Variants in PRRC2A observed in about 807,000 individuals in gnomAD.
PRRC2A encodes the protein protein PRRC2A.
PRRC2A carries 59 observed loss-of-function variants against 224.6 expected under a neutral mutation model. That is an observed-to-expected ratio of 0.26 (90% CI 0.21 to 0.33). The LOEUF (loss-of-function observed/expected upper bound fraction) is 0.33, where lower values mean the gene tolerates loss of function less well. Among genes scored for constraint, PRRC2A ranks in the 10% least tolerant of loss-of-function variants. The pLI, the probability that PRRC2A is intolerant of heterozygous loss-of-function variation, is 1.00. For missense variants in PRRC2A, 3,095 were observed against 2,880.7 expected (o/e 1.07, Z -1.70); for synonymous variants, 1,194 against 1,109.5 (o/e 1.08, Z -1.51).
rs781039842 is a variant in PRRC2A at position 31,631,401 on chromosome 6, G to T, written c.2728G>T (p.Gly910Cys). 4 of 1,608,830 alleles carry T rather than the reference G, an allele frequency of 2.5e-6. No homozygotes were observed. Among genetic ancestry groups the T allele is most frequent in the Non-Finnish European group, 3.4e-6 (4 of 1,178,530 alleles). ...RKPARGVGSGGQGPPPPRRES... is the reference protein window; with the variant it reads ...RKPARGVGSGCQGPPPPRRES... ...GCCTGCCCGCGGAGTCGGGAGTGGA[G>T]GCCAGGGCCCCCCACCACCACGCAG... is the stretch of plus-strand genomic sequence containing the variant. Residue 910 changes from glycine (G) to cysteine (C), a missense_variant, in exon 16 of 31, where the codon GGC becomes TGC. By Grantham distance (159) the Gly-to-Cys change is radical. Coordinates refer to ENST00000376033, the MANE Select transcript of PRRC2A (RefSeq NM_004638.4). The surrounding 1 kb of genome is among the most constrained non-coding windows in gnomAD (Gnocchi z 4.5).
Position 31,633,919 on chromosome 6 carries a change from C to G in PRRC2A, c.4649C>G (p.Ser1550Cys), listed in dbSNP as rs368538378. Residue 1550 changes from serine to cysteine, a missense_variant, in exon 18 of 31, where the codon TCT (serine) becomes TGT (cysteine). Physicochemically the swap from Ser to Cys is moderately radical, Grantham distance 112. This residue lies in a region of PRRC2A where 2,001 missense variants were observed against 1,764.9 expected (regional missense o/e 1.13). Coordinates refer to ENST00000376033, the MANE Select transcript of PRRC2A (RefSeq NM_004638.4). ...VRGVGGTPRD[S>C]AGVSPFPPKR... ...GGGGTGGGTGGGACTCCTCGGGACT[C>G]TGCCGGGGTTAGTCCCTTTCCCCCT... 1.3e-6 allele frequency: 2 copies of G among 1,587,562 alleles called. No homozygotes were observed. The highest frequency in any genetic ancestry group is 1.7e-6 in the Non-Finnish European group (2 of 1,173,744).
In PRRC2A at chr6:31,637,498, GGCC is replaced by G. The variant is rs1777634643; in HGVS notation, c.6390_6392del (p.Pro2132del). 6.3e-7 allele frequency: 1 copy of G among 1,575,176 alleles called. No homozygotes were observed. The highest frequency in any genetic ancestry group is 1.2e-5 in the South Asian group (1 of 85,648). On this transcript the variant is annotated inframe_deletion, in exon 31 of 31. Coordinates refer to ENST00000376033, the MANE Select transcript of PRRC2A (RefSeq NM_004638.4). ...ATACCTAAGCCTTGGGAGCGGACAG[GGCC>G]GCCACCTCGAGAAGGGCCCTCCCGA...
rs564994587 is a variant in PRRC2A at position 31,629,987 on chromosome 6, G to C, written c.2254+142G>C. On this transcript the variant is annotated intron_variant, in intron 14 of 30. Coordinates refer to ENST00000376033, the MANE Select transcript of PRRC2A (RefSeq NM_004638.4). ...AAGGGCATATGCTTGGCACTGCTGA[G>C]ATAGCTCTGTTGCAAAAATGGGCTT... is the stretch of plus-strand genomic sequence containing the variant. The C allele has an allele frequency of 1.5e-5, 20 of 1,373,928 alleles. 1 individual carries two copies. In the African/African-American group the frequency reaches 2.9e-4, roughly 20 times the overall value. The allele number at this position is 1,373,928 out of a possible 1,614,324, so 85.1% of individuals were successfully genotyped here. A position where few individuals can be genotyped will look rare whatever the true frequency, so the allele number is the denominator to read the frequency against.
At position 31,630,674 on chromosome 6, in the gene PRRC2A, C is replaced by T. The variant is rs771084827; in HGVS notation, c.2338C>T (p.Arg780Trp). ...TCATGCACCTGCTATGTTACGGGAA[C>T]GGGGCACTCCACCGGTGGATCCAAA... ...DRHAPAMLRERGTPPVDPKLA... is the reference protein window; with the variant it reads ...DRHAPAMLREWGTPPVDPKLA... The change falls in exon 15 of 31, where the codon CGG becomes TGG. Residue 780 changes from arginine to tryptophan, a missense_variant. Physicochemically the swap from Arg to Trp is moderately radical, Grantham distance 101 (BLOSUM62 -3). Transcript: ENST00000376033. The T allele has an allele frequency of 7.4e-6, 12 of 1,614,038 alleles. No individual in the cohort carries two copies. In the South Asian group the frequency reaches 8.8e-5, roughly 12 times the overall value.
In PRRC2A at chr6:31,623,885, A is replaced by G. The variant is rs989946320; in HGVS notation, c.266A>G (p.Lys89Arg). 6 of 1,614,052 alleles carry G rather than the reference A, an allele frequency of 3.7e-6. No individual in the cohort carries two copies. The African/African-American group carries it at 8.0e-5, about 22-fold the overall frequency. ...VPKDGTGWAS[K>R]QEQSDPKSSD... ...AAAGACGGAACAGGATGGGCAAGCA[A>G]ACAGGAGCAGTCCGACCCCAAGAGG... The change falls in exon 3 of 31, where the codon AAA (lysine) becomes AGA (arginine). Residue 89 changes from lysine (K) to arginine (R), a missense_variant. By Grantham distance (26) the Lys-to-Arg change is conservative. Coordinates refer to ENST00000376033, the MANE Select transcript of PRRC2A (RefSeq NM_004638.4).
chr6:31,621,782 GC>G (rs1310911429), intron 1 of PRRC2A, among the ~76,000 whole-genome samples: 1 of 152,120 alleles, frequency 6.6e-6, no homozygotes, highest in East Asian at 1.9e-4. Flanking sequence ...ATAAACGAAT[GC>G]CTGGTCACTC....
At position 31,621,292 on chromosome 6, in the gene PRRC2A, T is replaced by TC. The variant is rs201554983; in HGVS notation, c.-101+440dup. ...CCCCTCCTATCATCCAGCGCTGTGTTCCCCCCTCTGGACGCCCCTCTTCGT... is the reference window on the plus strand; with the variant it reads ...CCCCTCCTATCATCCAGCGCTGTGTTCCCCCCCTCTGGACGCCCCTCTTCGT... On this transcript the variant is annotated intron_variant, in intron 1 of 30. Transcript: ENST00000376033. Among the ~76,000 whole-genome samples, 244 of 151,242 alleles carry TC rather than the reference T, an allele frequency of 1.6e-3. 1 individual carries two copies. The highest frequency in any genetic ancestry group is 4.9e-3 in the African/African-American group (201 of 41,220).
intron 14 of PRRC2A, among the ~76,000 whole-genome samples, chr6:31,630,144 C>T (rs1179911615): frequency 1.3e-5 from 2 of 151,998 alleles, no homozygotes; most frequent in Non-Finnish European, 2.9e-5. Flanking sequence ...TGGTAAAACC[C>T]CATTTCTACT....
rs370440898 is a variant in PRRC2A at position 31,630,737 on chromosome 6, G to A, written c.2401G>A (p.Ala801Thr). The A allele has an allele frequency of 7.4e-6, 12 of 1,613,998 alleles. No individual in the cohort carries two copies. The highest frequency in any genetic ancestry group is 4.0e-5 in the African/African-American group (3 of 74,894). The change falls in exon 15 of 31, where the codon GCT becomes ACT. Residue 801 changes from alanine (A) to threonine (T), a missense_variant. Ala to Thr is a moderately conservative substitution (Grantham distance 58, BLOSUM62 0). Coordinates refer to ENST00000376033, the MANE Select transcript of PRRC2A (RefSeq NM_004638.4). ...WVGDVFTATPAEPRPLTSPLR... is the reference protein window; with the variant it reads ...WVGDVFTATPTEPRPLTSPLR... ...AGGAGATGTCTTCACCGCCACACCC[G>A]CTGAACCCCGCCCACTTACCTCACC...
Position 31,635,618 on chromosome 6 carries a change from A to G in PRRC2A, c.5410A>G (p.Ser1804Gly), listed in dbSNP as rs1319870247. The change falls in exon 24 of 31, where the codon AGT becomes GGT. Residue 1804 changes from serine (S) to glycine (G), a missense_variant. Ser to Gly is a moderately conservative substitution (Grantham distance 56, BLOSUM62 0). Coordinates refer to ENST00000376033, the MANE Select transcript of PRRC2A (RefSeq NM_004638.4). ...PVSRDWELLP[S>G]AAASAEPQSK... is the part of the protein sequence containing the mutation. ...ATCACGAGACTGGGAGCTGCTTCCCAGTGCTGCTGCCTCTGCTGAGCCACA... is the reference window on the plus strand; with the variant it reads ...ATCACGAGACTGGGAGCTGCTTCCCGGTGCTGCTGCCTCTGCTGAGCCACA... The G allele has an allele frequency of 6.2e-7, 1 of 1,612,396 alleles. No homozygotes were observed. Among genetic ancestry groups the G allele is most frequent in the South Asian group, 1.1e-5 (1 of 90,992 alleles).
intron 2 of PRRC2A, 107 bp from the exon 3 acceptor site, chr6:31,623,625 G>A: frequency 8.0e-7 from 1 of 1,253,450 alleles, no homozygotes; most frequent in Non-Finnish European, 1.1e-6. Context: ...AAGTTTGGAG[G>A]AAGTAGGTAA....
rs1216839384 is a variant in PRRC2A at position 31,636,818 on chromosome 6, TTTC to T, written c.6022_6024del (p.Ser2008del). 7.4e-6 allele frequency: 12 copies of T among 1,611,314 alleles called. No individual in the cohort carries two copies. In the South Asian group the frequency reaches 1.3e-4, roughly 18 times the overall value. ...GCACCACCTCCTGCCCCACCTCCCC[TTTC>T]TCTGTTACCTGTGGGCCCTGCTCTG... is the stretch of plus-strand genomic sequence containing the variant. On this transcript the variant is annotated inframe_deletion, in exon 28 of 31. Transcript: ENST00000376033. This position sits in a 1 kb window ranked among gnomAD's most constrained non-coding sequence, Gnocchi z 4.3.
intron 9 of PRRC2A, 87 bp downstream of exon 9, chr6:31,626,249 G>A: frequency 6.8e-7 from 1 of 1,461,658 alleles, no homozygotes. Flanking sequence ...GTGGGTGAAA[G>A]GCAGACATTG....
At position 31,631,028 on chromosome 6, in the gene PRRC2A, C is replaced by G; in HGVS notation, c.2466-111C>G. The G allele has an allele frequency of 7.6e-7, 1 of 1,310,350 alleles. No individual in the cohort carries two copies. Among genetic ancestry groups the G allele is most frequent in the Non-Finnish European group, 1.0e-6 (1 of 958,428 alleles). 81.2% of individuals were successfully genotyped at this position (1,310,350 alleles called of 1,614,324 possible). On this transcript the variant is annotated intron_variant, in intron 15 of 30. Transcript: ENST00000376033. This position sits in a 1 kb window ranked among gnomAD's most constrained non-coding sequence, Gnocchi z 4.5. ...CAACTGGATGCCATCTCTGCCAAAA[C>G]AAACAGAAAAATAGTAAAAGAGAGT...
In PRRC2A at chr6:31,626,871, G is replaced by A; in HGVS notation, c.1073+9G>A. ...GAGGGTGCTGAGGGCCAGTGAGTTA[G>A]GGCCATCAGGGGAGAAGAGGAGGGG... On this transcript the variant is annotated intron_variant, in intron 10 of 30. Coordinates refer to ENST00000376033, the MANE Select transcript of PRRC2A (RefSeq NM_004638.4). 6.2e-7 allele frequency: 1 copy of A among 1,611,324 alleles called. No individual in the cohort carries two copies. Among genetic ancestry groups the A allele is most frequent in the Non-Finnish European group, 8.5e-7 (1 of 1,178,810 alleles).
Position 31,632,822 on chromosome 6 carries a change from G to A in PRRC2A, c.4149G>A (p.Arg1383=). 6.2e-7 allele frequency: 1 copy of A among 1,613,168 alleles called. No individual in the cohort carries two copies. Among genetic ancestry groups the A allele is most frequent in the Non-Finnish European group, 8.5e-7 (1 of 1,180,036 alleles). Residue 1383 remains arginine, a synonymous_variant, in exon 16 of 31, where the codon CGG becomes CGA. Coordinates refer to ENST00000376033, the MANE Select transcript of PRRC2A (RefSeq NM_004638.4). ...LSQRAKDLSK[R]SFSSQRPGME... is the part of the protein sequence containing the mutation. Reference sequence around the variant, plus strand: ...AGAGAGCCAAGGATTTGAGTAAACGGAGCTTCTCAAGTCAGCGGCCAGGCA... The same window carrying A: ...AGAGAGCCAAGGATTTGAGTAAACGAAGCTTCTCAAGTCAGCGGCCAGGCA...
In PRRC2A at chr6:31,632,994, T is replaced by TGG; in HGVS notation, c.4319+4_4319+5dup. 3 of 1,548,074 alleles carry TGG rather than the reference T, an allele frequency of 1.9e-6. No homozygotes were observed. The highest frequency in any genetic ancestry group is 2.6e-6 in the Non-Finnish European group (3 of 1,148,538). ...CTGGCCCTCTCCCAAGAACCGAAGG[T>TGG]GGGTAGGAACAAACAAATTTATTGT... is the stretch of plus-strand genomic sequence containing the variant. On this transcript the variant is annotated splice_region_variant and intron_variant, in intron 16 of 30. Transcript: ENST00000376033.
At chr6:31,630,836 A>C (rs781611650) in intron 15 of PRRC2A, 35 bp downstream of exon 15, 7 of 1,606,952 alleles carry the variant, frequency 4.4e-6, no homozygotes, top group Non-Finnish European at 6.0e-6. Context: ...GTGAGTTCAC[A>C]GTGAAAGGAT....
chr6:31,632,897 T>C lies in PRRC2A; in HGVS notation c.4224T>C (p.Ser1408=). 3.1e-6 allele frequency: 5 copies of C among 1,612,506 alleles called. No homozygotes were observed. The highest frequency in any genetic ancestry group is 4.2e-6 in the Non-Finnish European group (5 of 1,179,782). ...RPGPGGKAGS[S]GSSSGGGGGG... ...GCCCAGGGGGCAAGGCTGGCAGCAG[T>C]GGCAGCAGCAGTGGAGGAGGCGGTG... The change falls in exon 16 of 31, where the codon AGT becomes AGC. Residue 1408 remains serine, a synonymous_variant. Coordinates refer to ENST00000376033, the MANE Select transcript of PRRC2A (RefSeq NM_004638.4).
Sources: allele counts gnomAD v4.1 joint callset (sites outside exome capture counted in the v4.1 genomes callset), GRCh38; gene constraint gnomAD v4.1.1; regional missense constraint gnomAD v4.1.1; non-coding constraint Gnocchi (gnomAD v3.1); transcripts MANE v1.5; gene names NCBI Gene and HGNC (gene_info 2026-07-23, HGNC 2026-07-21).